TAFAZZIN: variants seen among roughly 807,000 people sequenced by gnomAD.
The protein encoded by TAFAZZIN is protein G4.5.
In TAFAZZIN, 6 loss-of-function variants were observed where a neutral mutation model predicts 27.3. That is an observed-to-expected ratio of 0.22 (90% CI 0.12 to 0.43). The LOEUF is 0.43. Ranked by LOEUF, TAFAZZIN falls within the 20% of genes least tolerant of loss-of-function variation. The probability of loss-of-function intolerance (pLI) is 1.00; values close to 1 mark genes in which losing one functional copy is unlikely to be tolerated. For missense variants in TAFAZZIN, 127 were observed against 244.5 expected (o/e 0.52, Z 3.21); for synonymous variants, 79 against 96.2 (o/e 0.82, Z 1.04).
rs782614882 is a variant in TAFAZZIN at position 154,411,836 on chromosome X, G to A, written c.-8G>A. On this transcript the variant is annotated 5_prime_UTR_variant, in exon 1 of 11. Coordinates refer to ENST00000601016, the MANE Select transcript of TAFAZZIN (RefSeq NM_000116.5). ...GCGCTGGGAGCGCCGGCCGCGGGCC[G>A]GGTGGGGATGCCTCTGCACGTGAAG... 2.5e-6 allele frequency: 3 copies of A among 1,181,904 alleles called. No individual in the cohort carries two copies. The highest frequency in any genetic ancestry group is 2.3e-6 in the Non-Finnish European group (2 of 884,256).
chrX:154,413,668 G>A lies in TAFAZZIN; in HGVS notation c.370+101G>A, dbSNP rs369038299. On this transcript the variant is annotated intron_variant, in intron 4 of 10. Coordinates refer to ENST00000601016, the MANE Select transcript of TAFAZZIN (RefSeq NM_000116.5). Reference sequence around the variant, plus strand: ...AGGGACCTATGGGGGTAGGCATCCCGGGAGCCAACATGAGGCCCAGCTCCA... The same window carrying A: ...AGGGACCTATGGGGGTAGGCATCCCAGGAGCCAACATGAGGCCCAGCTCCA... The A allele has an allele frequency of 1.0e-4, 88 of 849,445 alleles. 1 individual carries two copies. In the East Asian group the frequency reaches 1.5e-3, roughly 14 times the overall value. The allele number at this position is 849,445 out of a possible 1,213,427, so 70.0% of individuals were successfully genotyped here.
At chrX:154,415,880 CAA>C (rs140328432) in intron 5 of TAFAZZIN, among the ~76,000 whole-genome samples, 8 of 28,096 alleles carry the variant, frequency 2.8e-4, no homozygotes, top group African/African-American at 3.9e-4. Context: ...GACCTGGTCT[CAA>C]AAAAAAAAAA....
In TAFAZZIN at chrX:154,420,042, C is replaced by T. The variant is rs797040235; in HGVS notation, c.594C>T (p.Arg198=). The change falls in exon 8 of 11, where the codon CGC becomes CGT. Residue 198 remains arginine (R), a synonymous_variant. Transcript: ENST00000601016. ...EFLRFKWGIG[R]LIAECHLNPI... ...CTCCCCCCTGGGCAGGAATCGGGCG[C>T]CTGATTGCTGAGTGTCATCTCAACC... 6 of 1,211,983 alleles carry T rather than the reference C, an allele frequency of 5.0e-6. No individual in the cohort carries two copies. The highest frequency in any genetic ancestry group is 2.2e-5 in the Admixed American group (1 of 46,085).
At chrX:154,412,387 G>T in intron 2 of TAFAZZIN, 173 bp downstream of exon 2, 1 of 646,178 alleles carries the variant, frequency 1.5e-6, no homozygotes, top group Non-Finnish European at 2.3e-6. Flanking sequence ...CAGCATCCCT[G>T]AGGGAGCATG....
chrX:154,420,041 G>A lies in TAFAZZIN; in HGVS notation c.593G>A (p.Arg198His), dbSNP rs371236390. ...CCTCCCCCCTGGGCAGGAATCGGGC[G>A]CCTGATTGCTGAGTGTCATCTCAAC... is the stretch of plus-strand genomic sequence containing the variant. The part of the protein sequence containing the change: ...EFLRFKWGIG[R>H]LIAECHLNPI... Residue 198 changes from arginine (R) to histidine (H), a missense_variant, in exon 8 of 11, where the codon CGC (arginine) becomes CAC (histidine). Around this residue, in one of 3 missense-constraint regions of TAFAZZIN, gnomAD observed 79 missense variants for 188.7 expected, o/e 0.42. Transcript: ENST00000601016. 3.3e-6 allele frequency: 4 copies of A among 1,211,920 alleles called. No homozygotes were observed. Among genetic ancestry groups the A allele is most frequent in the Non-Finnish European group, 4.5e-6 (4 of 895,462 alleles).
Position 154,411,646 on chromosome X carries a change from C to T in TAFAZZIN, c.-198C>T, listed in dbSNP as rs1569552618. ...GACCCCGGCGACCGCTCCCCAGTGACGAGAGAGCGGGGCCGGGCGCTGCTC... is the reference window on the plus strand; with the variant it reads ...GACCCCGGCGACCGCTCCCCAGTGATGAGAGAGCGGGGCCGGGCGCTGCTC... On this transcript the variant is annotated 5_prime_UTR_variant, in exon 1 of 11. The change creates a new upstream start codon in the 5' untranslated region. Coordinates refer to ENST00000601016, the MANE Select transcript of TAFAZZIN (RefSeq NM_000116.5). The T allele has an allele frequency of 6.2e-6, 3 of 482,418 alleles. No individual in the cohort carries two copies. Among genetic ancestry groups the T allele is most frequent in the Non-Finnish European group, 7.4e-6 (2 of 270,863 alleles). 39.8% of individuals were successfully genotyped at this position (482,418 alleles called of 1,213,427 possible).
At chrX:154,414,040 G>A in intron 4 of TAFAZZIN, 61 bp from the exon 5 acceptor site, 1 of 761,834 alleles carries the variant, frequency 1.3e-6, no homozygotes, top group Non-Finnish European at 2.0e-6. Context: ...GCTGGCCCAA[G>A]GTCATGGGGT....
intron 5 of TAFAZZIN, 101 bp downstream of exon 5, chrX:154,414,291 C>T: frequency 1.7e-6 from 1 of 598,839 alleles, no homozygotes; most frequent in Non-Finnish European, 2.8e-6. Context: ...GCCTGGGCAA[C>T]ATAGTAAGAC....
chrX:154,419,365 T>A, intron 5 of TAFAZZIN, 178 bp from the exon 6 acceptor site: 1 of 490,588 alleles, frequency 2.0e-6, no homozygotes, highest in Non-Finnish European at 3.5e-6. Context: ...GGATGGGAAG[T>A]CCCTAATCTG....
intron 5 of TAFAZZIN, among the ~76,000 whole-genome samples, chrX:154,414,845 C>T (rs1179210730): frequency 1.8e-5 from 2 of 109,584 alleles, no homozygotes; most frequent in African/African-American, 6.6e-5. Context: ...AAAAATTAGC[C>T]GGGCGTGGTG....
At chrX:154,414,821 T>A (rs1251283444) in intron 5 of TAFAZZIN, among the ~76,000 whole-genome samples, 1 of 109,467 alleles carries the variant, frequency 9.1e-6, no homozygotes, top group Non-Finnish European at 1.9e-5. Flanking sequence ...AAACCCCGTC[T>A]CTACTAAAAA....
intron 7 of TAFAZZIN, 108 bp from the exon 8 acceptor site, chrX:154,419,924 A>G: frequency 4.5e-6 from 5 of 1,110,252 alleles, no homozygotes; most frequent in Non-Finnish European, 6.2e-6. Context: ...TGCCCAAGGG[A>G]GCTGAATTGA....
chrX:154,412,349 G>A (rs2068338022), intron 2 of TAFAZZIN, 135 bp downstream of exon 2: 1 of 892,363 alleles, frequency 1.1e-6, no homozygotes, highest in Non-Finnish European at 1.5e-6. Context: ...TTCTGCCCCA[G>A]GGCTGAGACT....
rs370035262 is a variant in TAFAZZIN, at chrX:154,421,036, C to T, written c.*32C>T. ...CTTGCTGCCTTCTGGATTCTTGGCCCGCACAGAGCTGGGGCTGAGGGATGG... is the reference window on the plus strand; with the variant it reads ...CTTGCTGCCTTCTGGATTCTTGGCCTGCACAGAGCTGGGGCTGAGGGATGG... On this transcript the variant is annotated 3_prime_UTR_variant, in exon 11 of 11. Transcript: ENST00000601016. 10 of 1,157,737 alleles carry T rather than the reference C, an allele frequency of 8.6e-6. No homozygotes were observed. In the South Asian group the frequency reaches 9.0e-5, roughly 10 times the overall value.
chrX:154,412,991 G>A, intron 2 of TAFAZZIN: 1 of 475,962 alleles, frequency 2.1e-6, no homozygotes. Context: ...TGGGGAGGTA[G>A]GCAGTCCAGG....
In TAFAZZIN at chrX:154,413,190, C is replaced by G. The variant is rs1026524656; in HGVS notation, c.239-17C>G. On this transcript the variant is annotated splice_polypyrimidine_tract_variant and intron_variant, in intron 2 of 10. Coordinates refer to ENST00000601016, the MANE Select transcript of TAFAZZIN (RefSeq NM_000116.5). ...GGATATGGGAAGTTGGGGCATGAAG[C>G]CTTTCCTGTCCTCTAGGGATCCTGA... 12 of 1,210,427 alleles carry G rather than the reference C, an allele frequency of 9.9e-6. No individual in the cohort carries two copies. Among genetic ancestry groups the G allele is most frequent in the African/African-American group, 1.7e-5 (1 of 57,348 alleles).
Position 154,419,354 on chromosome X carries a change from G to T in TAFAZZIN, c.461-189G>T, listed in dbSNP as rs1232977709. On this transcript the variant is annotated intron_variant, in intron 5 of 10. Coordinates refer to ENST00000601016, the MANE Select transcript of TAFAZZIN (RefSeq NM_000116.5). ...AGGGCGTCTGTGGATGGCGCAGTGGGGGATGGGAAGTCCCTAATCTGCTGG... is the reference window on the plus strand; with the variant it reads ...AGGGCGTCTGTGGATGGCGCAGTGGTGGATGGGAAGTCCCTAATCTGCTGG... 100 of 475,034 alleles carry T rather than the reference G, an allele frequency of 2.1e-4. No individual in the cohort carries two copies. In the East Asian group the frequency reaches 3.6e-3, roughly 17 times the overall value. The allele number at this position is 475,034 out of a possible 1,213,427, so 39.1% of individuals were successfully genotyped here. A position where few individuals can be genotyped will look rare whatever the true frequency, so the allele number is the denominator to read the frequency against.
At chrX:154,416,825 A>C (rs1471696571) in intron 5 of TAFAZZIN, among the ~76,000 whole-genome samples, 2 of 111,491 alleles carry the variant, frequency 1.8e-5, no homozygotes, top group African/African-American at 6.5e-5. Flanking sequence ...TGGGGTGTGC[A>C]GTTCTGGAAC....
Position 154,417,134 on chromosome X carries a change from CA to C in TAFAZZIN, c.461-2395del, listed in dbSNP as rs1251172273. On this transcript the variant is annotated intron_variant, in intron 5 of 10. Transcript: ENST00000601016. ...TGGGCGACAGAGCGAGACTCCGTCTCAAAAAAAAAAAAAACAAAAAATTATC... is the reference window on the plus strand; with the variant it reads ...TGGGCGACAGAGCGAGACTCCGTCTCAAAAAAAAAAAAACAAAAAATTATC... 7.5e-3 allele frequency among the ~76,000 whole-genome samples: 428 copies of C among 56,742 alleles called. 3 individuals are homozygous for C. Among genetic ancestry groups the C allele is most frequent in the Non-Finnish European group, 0.012 (346 of 29,119 alleles). 49.3% of individuals were successfully genotyped at this position (56,742 alleles called of 115,157 possible). A position where few individuals can be genotyped will look rare whatever the true frequency, so the allele number is the denominator to read the frequency against.
Sources: gnomAD v4.1 joint callset for allele counts (sites outside exome capture counted in the v4.1 genomes callset) on GRCh38, gnomAD v4.1.1 for gene constraint, gnomAD v4.1.1 regional missense constraint, MANE v1.5 for transcripts, NCBI Gene and HGNC (gene_info 2026-07-23, HGNC 2026-07-21) for gene names.